PCDH15: variants seen among roughly 807,000 people sequenced by gnomAD.
PCDH15 encodes protocadherin related 15, also known as protocadherin-15.
A neutral mutation model predicts 178.5 loss-of-function variants in PCDH15; 129 were observed. The observed-to-expected ratio is 0.72, with a 90% CI of 0.63 to 0.84. The LOEUF (loss-of-function observed/expected upper bound fraction) is 0.84, where lower values mean the gene tolerates loss of function less well. PCDH15 is among the 40% of genes least tolerant of loss of function. The probability of loss-of-function intolerance (pLI) is 0.00; values close to 1 mark genes in which losing one functional copy is unlikely to be tolerated. For missense variants in PCDH15, 2,230 were observed against 2,099.9 expected, an observed-to-expected ratio of 1.06 and a Z score of -1.21; for synonymous variants, 800 against 732.0, an observed-to-expected ratio of 1.09 and a Z score of -1.50.
At chr10:53,976,694 AT>A (rs11369305) in intron 21 of PCDH15, among the ~76,000 whole-genome samples, 11 of 151,504 alleles carry the variant, frequency 7.3e-5, no homozygotes, top group Admixed American at 3.3e-4. Flanking sequence ...ATTCGAGTAG[AT>A]TTTTTTTGTG....
At chr10:54,664,027 TTTTAG>T (rs1480371588) in intron 2 of PCDH15, 140 bp downstream of exon 2, 1 of 704,970 alleles carries the variant, frequency 1.4e-6, no homozygotes, top group Non-Finnish European at 2.5e-6. Flanking sequence ...TCTAAGCTTA[TTTTAG>T]TTAAGGTTAA....
chr10:54,346,281 G>T (rs919612162), intron 6 of PCDH15, 84 bp downstream of exon 6: 15 of 1,346,666 alleles, frequency 1.1e-5, no homozygotes, highest in Non-Finnish European at 1.6e-5. Context: ...GGAAGTTACT[G>T]AATAATACAA....
At chr10:54,668,761 A>T (rs996949725) in intron 1 of PCDH15, among the ~76,000 whole-genome samples, 24 of 152,168 alleles carry the variant, frequency 1.6e-4, no homozygotes, top group Non-Finnish European at 2.9e-5. Context: ...GTGAATAAAC[A>T]CTAACTTTCT....
In PCDH15 at chr10:53,915,168, A is replaced by C. The variant is rs1415342398; in HGVS notation, c.3374-11798T>G. Among the ~76,000 whole-genome samples the C allele has an allele frequency of 2.6e-5, 4 of 152,336 alleles. No homozygotes were observed. The East Asian group carries it at 7.7e-4, about 29-fold the overall frequency. ...GTTATTCACTAAAAATATAAAGTAG[A>C]ATTTGAGAGAAAAGAGAGAAATATG... On this transcript the variant is annotated intron_variant, in intron 25 of 37. Transcript: ENST00000644397.
At position 54,062,227 on chromosome 10, in the gene PCDH15, C is replaced by CAAAAAAA. The variant is rs72361686; in HGVS notation, c.2220+4523_2220+4529dup. On this transcript the variant is annotated intron_variant, in intron 18 of 37. Transcript: ENST00000644397. ...GGGTGACAAGAGTGAGATTCTGTCT[C>CAAAAAAA]AAAAAAAAAAAAAAAAAAAAAAAAA... Among the ~76,000 whole-genome samples, 157 of 53,504 alleles carry CAAAAAAA rather than the reference C, an allele frequency of 2.9e-3. 1 individual carries two copies. The highest frequency in any genetic ancestry group is 5.9e-3 in the African/African-American group (61 of 10,416). The allele number at this position is 53,504 out of a possible 152,430, so 35.1% of individuals were successfully genotyped here. A position where few individuals can be genotyped will look rare whatever the true frequency, so the allele number is the denominator to read the frequency against.
At chr10:54,927,377 G>A (rs559076887) in intron 2 of PCDH15, among the ~76,000 whole-genome samples, 62 of 152,186 alleles carry the variant, frequency 4.1e-4, no homozygotes, top group African/African-American at 1.3e-3. Flanking sequence ...TTTATAGTGT[G>A]TGACATGTTT....
At chr10:54,050,034 T>G (rs989338417) in intron 18 of PCDH15, among the ~76,000 whole-genome samples, 1 of 152,158 alleles carries the variant, frequency 6.6e-6, no homozygotes, top group African/African-American at 2.4e-5. Context: ...CCATTTTAAC[T>G]GTGCATTTAC....
chr10:55,020,670 C>T (rs2131954069), intron 2 of PCDH15, among the ~76,000 whole-genome samples: 1 of 152,292 alleles, frequency 6.6e-6, no homozygotes, highest in African/African-American at 2.4e-5. Context: ...CACAAATCTG[C>T]ATTCGCCTTT....
chr10:55,147,491 G>C (rs2799603), intron 2 of PCDH15, among the ~76,000 whole-genome samples: 5 of 151,382 alleles, frequency 3.3e-5, no homozygotes. Flanking sequence ...TATTTTGCAC[G>C]TATCTAGAAA....
At chr10:54,212,724 G>A (rs16905775) in intron 10 of PCDH15, among the ~76,000 whole-genome samples, 1,661 of 152,104 alleles carry the variant, frequency 0.011, 35 homozygotes, top group African/African-American at 0.038. Flanking sequence ...GACAAAGATC[G>A]CTGAATAAAC....
At chr10:55,362,693 C>T (rs1565058316) in intron 2 of PCDH15, among the ~76,000 whole-genome samples, 1 of 151,912 alleles carries the variant, frequency 6.6e-6, no homozygotes, top group South Asian at 2.1e-4. Context: ...TAGGTCTATG[C>T]GATTTTCTCT....
At chr10:55,543,107 G>A (rs866028093) in intron 2 of PCDH15, among the ~76,000 whole-genome samples, 135 of 131,276 alleles carry the variant, frequency 1.0e-3, no homozygotes, top group African/African-American at 3.4e-3. Flanking sequence ...GTCTATATAG[G>A]TACATACAGA....
chr10:54,253,537 CCTT>C (rs1564796360), intron 8 of PCDH15, among the ~76,000 whole-genome samples: 4 of 152,016 alleles, frequency 2.6e-5, no homozygotes, highest in Admixed American at 2.6e-4. Flanking sequence ...CAAAATATAC[CCTT>C]GCTGTATGAA....
chr10:54,685,549 A>G (rs1290596228), intron 1 of PCDH15, among the ~76,000 whole-genome samples: 1 of 152,190 alleles, frequency 6.6e-6, no homozygotes, highest in East Asian at 1.9e-4. Flanking sequence ...TGGGACCACC[A>G]TTGTATATGT....
intron 2 of PCDH15, among the ~76,000 whole-genome samples, chr10:55,456,074 T>C (rs1839545113): frequency 6.6e-6 from 1 of 152,126 alleles, no homozygotes. Context: ...ATATGCCAGT[T>C]GTAGTCAATC....
chr10:53,993,800 C>G (rs527284354), intron 21 of PCDH15, among the ~76,000 whole-genome samples: 1 of 152,262 alleles, frequency 6.6e-6, no homozygotes, highest in South Asian at 2.1e-4. Flanking sequence ...AAGCTCAATT[C>G]TGATCATAGC....
intron 20 of PCDH15, among the ~76,000 whole-genome samples, chr10:54,011,385 C>A (rs2092580241): frequency 6.6e-6 from 1 of 152,114 alleles, no homozygotes; most frequent in African/African-American, 2.4e-5. Context: ...GGTGGAGCAC[C>A]AAGAGACAAG....
chr10:53,876,280 C>T (rs557028584), intron 26 of PCDH15, among the ~76,000 whole-genome samples: 3 of 151,362 alleles, frequency 2.0e-5, no homozygotes, highest in East Asian at 2.0e-4. Context: ...CTCCGCCTCA[C>T]GGGTTCAAGC....
intron 18 of PCDH15, among the ~76,000 whole-genome samples, chr10:54,028,489 A>G (rs918819014): frequency 7.3e-5 from 11 of 151,588 alleles, no homozygotes; most frequent in African/African-American, 2.7e-4. Context: ...ACATGCACAC[A>G]TATGTTTATT....
Sources: allele counts gnomAD v4.1 joint callset (sites outside exome capture counted in the v4.1 genomes callset), GRCh38; gene constraint gnomAD v4.1.1; transcripts MANE v1.5; gene names NCBI Gene and HGNC (gene_info 2026-07-23, HGNC 2026-07-21).